Variants in MTHFD1L observed in about 807,000 individuals in gnomAD.
MTHFD1L encodes the protein methylenetetrahydrofolate dehydrogenase (NADP+ dependent) 1 like, also known as monofunctional C1-tetrahydrofolate synthase, mitochondrial.
Under a neutral mutation model 119.5 loss-of-function variants are expected in MTHFD1L, and 81 were observed. That is an observed-to-expected ratio of 0.68 (90% CI 0.57 to 0.82). The LOEUF is 0.82. MTHFD1L is among the 40% of genes least tolerant of loss of function. The probability of loss-of-function intolerance (pLI) is 0.00; values close to 1 mark genes in which losing one functional copy is unlikely to be tolerated. For synonymous variants in MTHFD1L, 430 were observed against 475.2 expected, an observed-to-expected ratio of 0.90 and a Z score of 1.24; for missense variants, 1,125 against 1,253.4, an observed-to-expected ratio of 0.90 and a Z score of 1.55.
intron 26 of MTHFD1L, among the ~76,000 whole-genome samples, chr6:151,044,146 C>T (rs1001102623): frequency 2.6e-5 from 4 of 152,078 alleles, no homozygotes; most frequent in African/African-American, 9.7e-5. Context: ...GAAAGGGATA[C>T]ACTGTGGAGG....
chr6:150,943,645 T>G (rs1429700012), intron 13 of MTHFD1L, among the ~76,000 whole-genome samples: 1 of 152,210 alleles, frequency 6.6e-6, no homozygotes, highest in African/African-American at 2.4e-5. Context: ...AGCGTATATA[T>G]CCAGCCTGAA....
At chr6:150,971,883 T>C in intron 19 of MTHFD1L, 64 bp from the exon 20 acceptor site, 1 of 1,426,174 alleles carries the variant, frequency 7.0e-7, no homozygotes, top group Non-Finnish European at 9.8e-7. Context: ...TGCCCCAAAT[T>C]GATCTTGGTT....
chr6:150,907,938 C>A (rs1469329118), intron 8 of MTHFD1L, among the ~76,000 whole-genome samples: 2 of 150,994 alleles, frequency 1.3e-5, no homozygotes, highest in Non-Finnish European at 2.9e-5. Context: ...GCTCTGTCAC[C>A]CTGGCTTTAG....
At chr6:150,908,765 C>T (rs1786367246) in intron 8 of MTHFD1L, among the ~76,000 whole-genome samples, 1 of 152,072 alleles carries the variant, frequency 6.6e-6, no homozygotes, top group Non-Finnish European at 1.5e-5. Context: ...AAATAGTCTA[C>T]AAGTTTTAAT....
intron 23 of MTHFD1L, among the ~76,000 whole-genome samples, 185 bp downstream of exon 23, chr6:151,015,165 A>G (rs1335912664): frequency 6.7e-6 from 1 of 149,082 alleles, no homozygotes; most frequent in Non-Finnish European, 1.5e-5. Flanking sequence ...AATGTTATTA[A>G]GGAAGTGAAA....
At chr6:150,939,886 T>C (rs1320297194) in intron 13 of MTHFD1L, among the ~76,000 whole-genome samples, 1 of 152,012 alleles carries the variant, frequency 6.6e-6, no homozygotes, top group African/African-American at 2.4e-5. Context: ...GGTTTCACCA[T>C]GTTGGCCAGG....
rs1465486987 is a variant in MTHFD1L, at chr6:151,069,280, T to TCTCTCTCTCC, written c.2848-23186_2848-23185insTCTCTCTCCC. ...CTCTCTCTCTCTCTCTCTCTCTCTCTCCCTCCCTCTCTCTGTCATAGGGAC... is the reference window on the plus strand; with the variant it reads ...CTCTCTCTCTCTCTCTCTCTCTCTCTCTCTCTCTCCCCCTCCCTCTCTCTGTCATAGGGAC... On this transcript the variant is annotated intron_variant, in intron 26 of 27. Transcript: ENST00000367321. Among the ~76,000 whole-genome samples the TCTCTCTCTCC allele has an allele frequency of 2.3e-3, 341 of 148,028 alleles. 3 individuals are homozygous for TCTCTCTCTCC. The highest frequency in any genetic ancestry group is 3.4e-3 in the Middle Eastern group (1 of 294).
chr6:150,960,450 G>A, intron 18 of MTHFD1L, 35 bp downstream of exon 18: 1 of 1,577,174 alleles, frequency 6.3e-7, no homozygotes, highest in Non-Finnish European at 8.6e-7. Flanking sequence ...TCAGGGAGTG[G>A]ACGGTCCTCG....
At chr6:151,027,607 C>T (rs1784766561) in intron 24 of MTHFD1L, among the ~76,000 whole-genome samples, 1 of 150,026 alleles carries the variant, frequency 6.7e-6, no homozygotes, top group African/African-American at 2.4e-5. Flanking sequence ...AAGCTCAGAT[C>T]AAGACCTTTG....
At chr6:151,098,265 C>CT (rs1429978739) in intron 27 of MTHFD1L, among the ~76,000 whole-genome samples, 2 of 152,188 alleles carry the variant, frequency 1.3e-5, no homozygotes, top group South Asian at 4.1e-4. Flanking sequence ...AGTTGGGTTG[C>CT]TGCCTGCCAG....
At chr6:150,943,067 G>A (rs901627956) in intron 13 of MTHFD1L, among the ~76,000 whole-genome samples, 1 of 151,966 alleles carries the variant, frequency 6.6e-6, no homozygotes, top group Non-Finnish European at 1.5e-5. Context: ...CAGATCACAA[G>A]GTCAGGAGTT....
At chr6:151,003,312 A>G (rs1780883453) in intron 20 of MTHFD1L, among the ~76,000 whole-genome samples, 1 of 152,184 alleles carries the variant, frequency 6.6e-6, no homozygotes, top group African/African-American at 2.4e-5. Flanking sequence ...TGGGCGGATC[A>G]CCTGAGGTCA....
At chr6:150,948,727 G>A (rs181862887) in intron 15 of MTHFD1L, among the ~76,000 whole-genome samples, 133 of 151,026 alleles carry the variant, frequency 8.8e-4, no homozygotes, top group African/African-American at 3.0e-3. Flanking sequence ...CGCAACCTCC[G>A]CCTCCCAGGT....
intron 26 of MTHFD1L, among the ~76,000 whole-genome samples, chr6:151,089,517 C>T (rs182767927): frequency 1.3e-5 from 2 of 152,308 alleles, no homozygotes; most frequent in African/African-American, 2.4e-5. Flanking sequence ...GCAGGAGAAT[C>T]GCTTGAACCC....
chr6:150,872,808 T>A (rs903490939), intron 1 of MTHFD1L, among the ~76,000 whole-genome samples: 9 of 150,842 alleles, frequency 6.0e-5, no homozygotes, highest in African/African-American at 2.2e-4. Context: ...TTTTTTTCTA[T>A]CCACATCCAC....
At chr6:151,007,368 G>A (rs139591442) in intron 20 of MTHFD1L, among the ~76,000 whole-genome samples, 44 of 151,518 alleles carry the variant, frequency 2.9e-4, no homozygotes, top group Middle Eastern at 3.4e-3. Flanking sequence ...TGAGAAAAAC[G>A]CCTGGATGGA....
chr6:151,060,642 G>A (rs777522630), intron 26 of MTHFD1L, among the ~76,000 whole-genome samples: 7 of 152,194 alleles, frequency 4.6e-5, no homozygotes, highest in Non-Finnish European at 1.0e-4. Flanking sequence ...GAGGGACAAG[G>A]AGGCAGCAAG....
chr6:151,084,293 C>T (rs1316844846), intron 26 of MTHFD1L, among the ~76,000 whole-genome samples: 2 of 152,222 alleles, frequency 1.3e-5, no homozygotes, highest in Non-Finnish European at 2.9e-5. Context: ...TCACATGGGT[C>T]AGCAAGCCTG....
chr6:150,913,441 A>G (rs1787298545), intron 8 of MTHFD1L, among the ~76,000 whole-genome samples: 1 of 151,976 alleles, frequency 6.6e-6, no homozygotes, highest in African/African-American at 2.4e-5. Flanking sequence ...CTGGGATTAC[A>G]GGCGTGAGCC....
Sources: gnomAD v4.1 joint callset for allele counts (sites outside exome capture counted in the v4.1 genomes callset) on GRCh38, gnomAD v4.1.1 for gene constraint, MANE v1.5 for transcripts, NCBI Gene and HGNC (gene_info 2026-07-23, HGNC 2026-07-21) for gene names.